The following LRFN5 variants were observed in gnomAD, a reference collection of about 807,000 sequenced individuals.
LRFN5 encodes the protein leucine-rich repeat and fibronectin type-III domain-containing protein 5.
Under a neutral mutation model 45.6 loss-of-function variants are expected in LRFN5, and 24 were observed. The ratio of observed to expected loss-of-function variants is 0.53; its 90% CI spans 0.38 to 0.74. The LOEUF is 0.74. Among genes scored for constraint, LRFN5 ranks in the 30% least tolerant of loss-of-function variants. The pLI is 0.00. For missense variants in LRFN5, 776 were observed against 861.5 expected, an observed-to-expected ratio of 0.90 and a Z score of 1.24; for synonymous variants, 340 against 313.8, an observed-to-expected ratio of 1.08 and a Z score of -0.88.
At chr14:41,644,659 T>A (rs1432647348) in intron 1 of LRFN5, among the ~76,000 whole-genome samples, 2 of 152,076 alleles carry the variant, frequency 1.3e-5, no homozygotes, top group Non-Finnish European at 2.9e-5. Context: ...AAAAAAGGAA[T>A]CAAGGCTTAT....
At chr14:41,770,867 C>G (rs1202902906) in intron 2 of LRFN5, among the ~76,000 whole-genome samples, 2 of 152,066 alleles carry the variant, frequency 1.3e-5, no homozygotes, top group Non-Finnish European at 2.9e-5. Context: ...TCCATACTTT[C>G]CCTCAGCATT....
intron 1 of LRFN5, among the ~76,000 whole-genome samples, chr14:41,639,949 ATTT>A (rs34020254): frequency 2.1e-3 from 143 of 68,086 alleles, no homozygotes; most frequent in African/African-American, 7.4e-3. Context: ...TGACTGGCTA[ATTT>A]TTTTTTTTTT....
chr14:41,825,013 GT>G (rs1888245262), intron 2 of LRFN5, among the ~76,000 whole-genome samples: 1 of 152,182 alleles, frequency 6.6e-6, no homozygotes, highest in East Asian at 1.9e-4. Flanking sequence ...GTTAATGGCT[GT>G]GGAAAATGCT....
At chr14:41,845,256 T>G (rs1889020434) in intron 2 of LRFN5, among the ~76,000 whole-genome samples, 1 of 152,168 alleles carries the variant, frequency 6.6e-6, no homozygotes, top group Non-Finnish European at 1.5e-5. Context: ...ACAAAATTAT[T>G]GCAGAATACA....
chr14:41,757,920 A>G (rs188203638), intron 1 of LRFN5, among the ~76,000 whole-genome samples: 3 of 152,156 alleles, frequency 2.0e-5, no homozygotes, highest in Admixed American at 6.5e-5. Context: ...CATTTTTGGT[A>G]CCCATATAGA....
chr14:41,891,110 A>T (rs1890763666), intron 3 of LRFN5, 140 bp from the exon 4 acceptor site: 2 of 712,274 alleles, frequency 2.8e-6, no homozygotes, highest in Non-Finnish European at 4.6e-6. Flanking sequence ...TAAATATGAG[A>T]TTAGATCATT....
At chr14:41,746,246 A>G in intron 1 of LRFN5, among the ~76,000 whole-genome samples, 1 of 152,038 alleles carries the variant, frequency 6.6e-6, no homozygotes, top group Middle Eastern at 3.2e-3. Context: ...AGAATGAAGG[A>G]AAAAATACAC....
chr14:41,702,652 A>G (rs1882886267), intron 1 of LRFN5, among the ~76,000 whole-genome samples: 1 of 151,432 alleles, frequency 6.6e-6, no homozygotes, highest in Non-Finnish European at 1.5e-5. Flanking sequence ...TTTTTTTGAG[A>G]TGGGGTTTTG....
At chr14:41,787,196 G>A (rs1005999873) in intron 2 of LRFN5, among the ~76,000 whole-genome samples, 1 of 152,038 alleles carries the variant, frequency 6.6e-6, no homozygotes, top group Non-Finnish European at 1.5e-5. Context: ...CTGGATACCA[G>A]ACATAATGAA....
chr14:41,617,264 G>C (rs528060211), intron 1 of LRFN5, among the ~76,000 whole-genome samples: 1 of 152,126 alleles, frequency 6.6e-6, no homozygotes, highest in South Asian at 2.1e-4. Flanking sequence ...TTACTTTTCT[G>C]TACTCTATGC....
intron 1 of LRFN5, among the ~76,000 whole-genome samples, chr14:41,641,665 T>C (rs748382531): frequency 8.6e-5 from 13 of 152,030 alleles, no homozygotes; most frequent in Non-Finnish European, 1.8e-4. Flanking sequence ...GCCACAGTAA[T>C]AGAGATCAGA....
At chr14:41,787,532 A>T (rs996461604) in intron 2 of LRFN5, among the ~76,000 whole-genome samples, 29 of 150,830 alleles carry the variant, frequency 1.9e-4, no homozygotes, top group Admixed American at 9.9e-4. Context: ...CTAGTGGCTT[A>T]AAAAATGGAA....
intron 1 of LRFN5, among the ~76,000 whole-genome samples, chr14:41,657,576 CTTTTAAAACCTT>C (rs1880439152): frequency 6.6e-6 from 1 of 151,764 alleles, no homozygotes; most frequent in African/African-American, 2.4e-5. Flanking sequence ...AGAAAAATGC[CTTTTAAAACCTT>C]TTGATTTTAC....
At chr14:41,731,174 T>C (rs1884159182) in intron 1 of LRFN5, among the ~76,000 whole-genome samples, 1 of 152,112 alleles carries the variant, frequency 6.6e-6, no homozygotes, top group Non-Finnish European at 1.5e-5. Context: ...CTGTAGGTCT[T>C]CGTCACTCTA....
At chr14:41,882,998 G>A (rs917877479) in intron 2 of LRFN5, among the ~76,000 whole-genome samples, 3 of 151,750 alleles carry the variant, frequency 2.0e-5, no homozygotes, top group East Asian at 1.9e-4. Flanking sequence ...ACAGTTGCAC[G>A]CCACCACAGC....
intron 1 of LRFN5, among the ~76,000 whole-genome samples, chr14:41,647,602 T>C (rs759918832): frequency 1.3e-5 from 2 of 152,126 alleles, no homozygotes; most frequent in Non-Finnish European, 2.9e-5. Context: ...ATAATATGGA[T>C]ATTAATTATA....
chr14:41,889,118 A>C (rs2899932), intron 3 of LRFN5, among the ~76,000 whole-genome samples: 5,715 of 95,598 alleles, frequency 0.06, 239 homozygotes, highest in East Asian at 0.18. Flanking sequence ...ATGTCTCTAT[A>C]TATATATATA....
intron 2 of LRFN5, among the ~76,000 whole-genome samples, chr14:41,866,355 A>C (rs972761248): frequency 3.3e-5 from 5 of 152,140 alleles, no homozygotes. Flanking sequence ...CATCTTCTGT[A>C]GGCTCAGGGC....
At chr14:41,621,353 G>A (rs1176863666) in intron 1 of LRFN5, among the ~76,000 whole-genome samples, 3 of 152,110 alleles carry the variant, frequency 2.0e-5, no homozygotes, top group Admixed American at 1.3e-4. Context: ...GATTATCAGT[G>A]ATTCTTAAGT....
Sources: allele counts gnomAD v4.1 joint callset (sites outside exome capture counted in the v4.1 genomes callset), GRCh38; gene constraint gnomAD v4.1.1; transcripts MANE v1.5; gene names NCBI Gene and HGNC (gene_info 2026-07-23, HGNC 2026-07-21).